SHPRH: variants seen among roughly 807,000 people sequenced by gnomAD.
SHPRH encodes SNF2 histone linker PHD RING helicase.
SHPRH carries 106 observed loss-of-function variants against 202.5 expected under a neutral mutation model. The ratio of observed to expected loss-of-function variants is 0.52; its 90% CI spans 0.45 to 0.62. The LOEUF (loss-of-function observed/expected upper bound fraction) is 0.62. SHPRH is among the 20% of genes least tolerant of loss of function. The pLI is 0.00. For synonymous variants in SHPRH, 729 were observed against 686.0 expected, an observed-to-expected ratio of 1.06 and a Z score of -0.98; for missense variants, 1,710 against 2,020.0, an observed-to-expected ratio of 0.85 and a Z score of 2.94.
Position 145,922,737 on chromosome 6 carries a change from C to T in SHPRH, c.3645G>A (p.Glu1215=), listed in dbSNP as rs375359899. The part of the protein sequence containing the change: ...KLVREAVKNL[E]GPPSRNVIES... ...CAATAACATTACGAGATGGAGGTCCCTCCAGGTTTTTTACAGCCTCTCTTA... is the reference window on the plus strand; with the variant it reads ...CAATAACATTACGAGATGGAGGTCCTTCCAGGTTTTTTACAGCCTCTCTTA... Residue 1215 remains glutamate (E), a synonymous_variant, in exon 19 of 30, where the codon GAG becomes GAA. Transcript: ENST00000275233. 1.1e-4 allele frequency: 172 copies of T among 1,612,130 alleles called. No homozygotes were observed. In the African/African-American group the frequency reaches 2.0e-3, roughly 18 times the overall value.
chr6:145,915,663 G>A (rs1583383760), intron 23 of SHPRH, among the ~76,000 whole-genome samples: 1 of 151,998 alleles, frequency 6.6e-6, no homozygotes, highest in South Asian at 2.1e-4. Context: ...CTTTAAAGGT[G>A]AAAAGAAAAA....
At chr6:145,957,050 A>T (rs1788576431) in intron 1 of SHPRH, among the ~76,000 whole-genome samples, 1 of 152,136 alleles carries the variant, frequency 6.6e-6, no homozygotes, top group Non-Finnish European at 1.5e-5. Context: ...CAACATATAG[A>T]TCAAGGGAAA....
chr6:145,963,048 T>C (rs1183080727), intron 1 of SHPRH, among the ~76,000 whole-genome samples: 2 of 152,232 alleles, frequency 1.3e-5, no homozygotes, highest in Non-Finnish European at 1.5e-5. Flanking sequence ...ACAAAGAGGA[T>C]ATACAAGAGC....
chr6:145,941,016 G>A (rs538569870), intron 10 of SHPRH, among the ~76,000 whole-genome samples: 8 of 152,096 alleles, frequency 5.3e-5, no homozygotes, highest in Non-Finnish European at 1.0e-4. Flanking sequence ...AGGCTGCCAC[G>A]CAGTCCCCTA....
At chr6:145,960,152 A>C (rs542039624) in intron 1 of SHPRH, among the ~76,000 whole-genome samples, 3 of 152,212 alleles carry the variant, frequency 2.0e-5, no homozygotes, top group Non-Finnish European at 4.4e-5. Flanking sequence ...GCTCTGCTTA[A>C]TGTAGTTCCT....
rs200942399 is a variant in SHPRH at position 145,955,068 on chromosome 6, T to C, written c.255A>G (p.Lys85=). ...GGGAAAAAATACCAACAGTCTCTTC[T>C]TTTTCAATTGGTTTTGAGAAGCTCA... ...KVVSFSKPIE[K]EETVGIFSPL... is the part of the protein sequence containing the mutation. The change falls in exon 2 of 30, where the codon AAA becomes AAG. Residue 85 remains lysine (K), a synonymous_variant. Coordinates refer to ENST00000275233, the MANE Select transcript of SHPRH (RefSeq NM_001042683.3). 1 of 1,613,314 alleles carries C rather than the reference T, an allele frequency of 6.2e-7. No homozygotes were observed. Among genetic ancestry groups the C allele is most frequent in the Non-Finnish European group, 8.5e-7 (1 of 1,179,938 alleles).
rs113434626 is a variant in SHPRH, at chr6:145,927,533, T to C, written c.3113-256A>G. Among the ~76,000 whole-genome samples the C allele has an allele frequency of 8.3e-3, 1,265 of 151,924 alleles. 11 individuals carry two copies. The highest frequency in any genetic ancestry group is 0.029 in the African/African-American group (1,199 of 41,536). ...AATATTTTAAAATTATACTGAAATA[T>C]GTTTATAATCAAACGTTTGTAATGT... On this transcript the variant is annotated intron_variant, in intron 14 of 29. Coordinates refer to ENST00000275233, the MANE Select transcript of SHPRH (RefSeq NM_001042683.3).
chr6:145,944,741 A>G (rs1787181626), intron 8 of SHPRH, among the ~76,000 whole-genome samples: 1 of 152,134 alleles, frequency 6.6e-6, no homozygotes, highest in East Asian at 1.9e-4. Flanking sequence ...TGCAAATATT[A>G]TAACTATTTT....
intron 20 of SHPRH, 28 bp from the exon 21 acceptor site, chr6:145,921,420 G>A (rs766441233): frequency 3.8e-6 from 6 of 1,596,266 alleles, no homozygotes; most frequent in Middle Eastern, 1.7e-4. Flanking sequence ...CAAAACAACA[G>A]TAACTGGTAT....
intron 18 of SHPRH, among the ~76,000 whole-genome samples, chr6:145,923,047 G>C (rs1007386212): frequency 1.3e-5 from 2 of 150,594 alleles, no homozygotes; most frequent in African/African-American, 4.9e-5. Flanking sequence ...AAAAAAATTT[G>C]ATAGTCCTGT....
Position 145,910,535 on chromosome 6 carries a change from T to G in SHPRH, c.4428A>C (p.Ala1476=). ...VGSHRSSIKC[A]ICRQTTSHKE... ...TGTGAGATGTGGTCTGGCGGCAGAT[T>G]GCACACTTAATGGAGCTTCTGTGAG... Residue 1476 remains alanine, a synonymous_variant, in exon 25 of 30, where the codon GCA becomes GCC. Transcript: ENST00000275233. 6.2e-7 allele frequency: 1 copy of G among 1,612,896 alleles called. No individual in the cohort carries two copies. The highest frequency in any genetic ancestry group is 8.5e-7 in the Non-Finnish European group (1 of 1,179,598).
At chr6:145,956,840 T>C (rs1000714747) in intron 1 of SHPRH, among the ~76,000 whole-genome samples, 25 of 152,238 alleles carry the variant, frequency 1.6e-4, no homozygotes, top group African/African-American at 4.6e-4. Context: ...TACTGACCTA[T>C]AGAAAAGCAA....
At chr6:145,877,559 G>C (rs1283431128) in intron 2 of SHPRH, 1 of 152,144 alleles carries the variant, frequency 6.6e-6, no homozygotes, top group Non-Finnish European at 1.5e-5. Context: ...CCTCGAAATT[G>C]CCCTGCAAAG....
At chr6:145,949,722 T>C (rs1261773102) in intron 4 of SHPRH, among the ~76,000 whole-genome samples, 4 of 152,072 alleles carry the variant, frequency 2.6e-5, no homozygotes, top group Non-Finnish European at 5.9e-5. Flanking sequence ...CACAAAGTTA[T>C]TGAAAAAAGA....
intron 3 of SHPRH, among the ~76,000 whole-genome samples, chr6:145,951,547 T>C (rs1051722285): frequency 3.3e-5 from 5 of 152,090 alleles, no homozygotes; most frequent in African/African-American, 4.8e-5. Context: ...GAACAAATTG[T>C]AATATTTTTA....
At chr6:145,956,625 A>G (rs748734786) in intron 1 of SHPRH, among the ~76,000 whole-genome samples, 36 of 152,128 alleles carry the variant, frequency 2.4e-4, no homozygotes, top group Non-Finnish European at 4.9e-4. Flanking sequence ...AAAAAGCAAA[A>G]ACAAAAAATA....
At chr6:145,950,203 TA>T in intron 4 of SHPRH, 60 bp downstream of exon 4, 1 of 1,421,912 alleles carries the variant, frequency 7.0e-7, no homozygotes, top group Non-Finnish European at 9.8e-7. Context: ...CACCCTGCCC[TA>T]ATTGTCTCTG....
At chr6:145,943,089 T>A in intron 9 of SHPRH, 54 bp downstream of exon 9, 1 of 1,507,384 alleles carries the variant, frequency 6.6e-7, no homozygotes, top group Non-Finnish European at 8.9e-7. Context: ...GAAACTATCA[T>A]GAAGAAGCAA....
intron 25 of SHPRH, chr6:145,904,114 C>T (rs1382089127): frequency 6.6e-6 from 1 of 152,002 alleles, no homozygotes; most frequent in South Asian, 2.1e-4. Context: ...ATGTCTACTA[C>T]TAATAAATAA....
Sources: allele counts gnomAD v4.1 joint callset (sites outside exome capture counted in the v4.1 genomes callset), GRCh38; gene constraint gnomAD v4.1.1; transcripts MANE v1.5; gene names NCBI Gene and HGNC (gene_info 2026-07-23, HGNC 2026-07-21).